Variants in CACNB4 observed in about 807,000 individuals in gnomAD.
CACNB4 encodes the protein voltage-dependent L-type calcium channel subunit beta-4.
A neutral mutation model predicts 71.2 loss-of-function variants in CACNB4; 32 were observed. The ratio of observed to expected loss-of-function variants is 0.45; its 90% CI spans 0.34 to 0.60. The LOEUF (loss-of-function observed/expected upper bound fraction) is 0.60. Ranked by LOEUF, CACNB4 falls within the 20% of genes least tolerant of loss-of-function variation. The probability of loss-of-function intolerance (pLI) is 0.01; values close to 1 mark genes in which losing one functional copy is unlikely to be tolerated. For synonymous variants in CACNB4, 231 were observed against 236.9 expected, an observed-to-expected ratio of 0.97 and a Z score of 0.23; for missense variants, 464 against 647.9, an observed-to-expected ratio of 0.72 and a Z score of 3.08.
intron 2 of CACNB4, among the ~76,000 whole-genome samples, chr2:151,886,216 C>A (rs1024265849): frequency 1.3e-5 from 2 of 152,182 alleles, no homozygotes; most frequent in East Asian, 1.9e-4. Context: ...GCTGAACTGG[C>A]TGCTGTGAAG....
chr2:152,089,828 G>T (rs1187000503), intron 2 of CACNB4, among the ~76,000 whole-genome samples: 1 of 152,100 alleles, frequency 6.6e-6, no homozygotes, highest in African/African-American at 2.4e-5. Context: ...TGTAGTCCCA[G>T]CTACTTGTAG....
Position 152,098,684 on chromosome 2 carries a change from C to A in CACNB4, c.63+265G>T. The A allele has an allele frequency of 6.4e-7, 1 of 1,566,264 alleles. No individual in the cohort carries two copies. The highest frequency in any genetic ancestry group is 2.4e-5 in the East Asian group (1 of 41,930). On this transcript the variant is annotated intron_variant, in intron 1 of 13. Coordinates refer to ENST00000539935, the MANE Select transcript of CACNB4 (RefSeq NM_000726.5). This position sits in a 1 kb window ranked among gnomAD's most constrained non-coding sequence, Gnocchi z 5.3. The stretch of plus-strand genomic sequence containing the variant: ...CTCTCAGGGTGCGGGGTCCGAGTCC[C>A]CGGCATCCGCTGGGGGAGGCTGCGG...
At chr2:152,060,715 G>A (rs575332559) in intron 2 of CACNB4, among the ~76,000 whole-genome samples, 1 of 151,494 alleles carries the variant, frequency 6.6e-6, no homozygotes, top group South Asian at 2.1e-4. Context: ...CAGCAACAGG[G>A]GCAAGTTAAA....
At chr2:151,894,525 A>G (rs564992136) in intron 2 of CACNB4, among the ~76,000 whole-genome samples, 1 of 152,342 alleles carries the variant, frequency 6.6e-6, no homozygotes, top group South Asian at 2.1e-4. Context: ...CACTTTTGCT[A>G]CTGTTATTCA....
At chr2:152,074,968 C>G (rs1560181891) in intron 2 of CACNB4, among the ~76,000 whole-genome samples, 1 of 152,140 alleles carries the variant, frequency 6.6e-6, no homozygotes, top group African/African-American at 2.4e-5. Flanking sequence ...CCCCAACAAA[C>G]AGAGAAACAG....
intron 2 of CACNB4, among the ~76,000 whole-genome samples, chr2:152,010,223 C>T (rs532910804): frequency 5.3e-4 from 81 of 152,260 alleles, no homozygotes; most frequent in Admixed American, 1.2e-3. Flanking sequence ...GAAGTAAGCA[C>T]CATTAAAATC....
In CACNB4 at chr2:151,907,026, T is replaced by C. The variant is rs186385520; in HGVS notation, c.148-23656A>G. On this transcript the variant is annotated intron_variant, in intron 2 of 13. Coordinates refer to ENST00000539935, the MANE Select transcript of CACNB4 (RefSeq NM_000726.5). ...TATATGTTTATTCCCCACTAGCTTG[T>C]GTACTCTGAGGTGAAAACCACATTT... is the stretch of plus-strand genomic sequence containing the variant. 2.0e-3 allele frequency among the ~76,000 whole-genome samples: 305 copies of C among 152,356 alleles called. 6 individuals are homozygous for C. Among genetic ancestry groups the C allele is most frequent in the Non-Finnish European group, 2.6e-4 (18 of 68,032 alleles).
intron 2 of CACNB4, among the ~76,000 whole-genome samples, chr2:151,983,428 C>G (rs1468099489): frequency 6.6e-6 from 1 of 152,050 alleles, no homozygotes; most frequent in Admixed American, 6.6e-5. Flanking sequence ...CCCCAAGAGG[C>G]GCAAATGGAA....
In CACNB4 at chr2:151,838,165, C is replaced by T. The variant is rs1051702492; in HGVS notation, c.*954G>A. 1.3e-5 allele frequency: 2 copies of T among 152,516 alleles called. No homozygotes were observed. Among genetic ancestry groups the T allele is most frequent in the Non-Finnish European group, 2.9e-5 (2 of 68,004 alleles). The allele number at this position is 152,516 out of a possible 1,614,324, so 9.4% of individuals were successfully genotyped here. ...ACCTGGAAGTGTTTAGCATTGCACT[C>T]GGGAGGATTGGTACCACATCCTTAC... is the stretch of plus-strand genomic sequence containing the variant. On this transcript the variant is annotated 3_prime_UTR_variant, in exon 14 of 14. Transcript: ENST00000539935.
At position 151,996,410 on chromosome 2, in the gene CACNB4, G is replaced by C. The variant is rs918043613; in HGVS notation, c.147+101920C>G. On this transcript the variant is annotated intron_variant, in intron 2 of 13. Transcript: ENST00000539935. Reference sequence around the variant, plus strand: ...AGAAGCTCAGAACAGAGAACTCATCGGGGCTGCAGTGAGCTGTGATCACGC... The same window carrying C: ...AGAAGCTCAGAACAGAGAACTCATCCGGGCTGCAGTGAGCTGTGATCACGC... Among the ~76,000 whole-genome samples, 19 of 151,522 alleles carry C rather than the reference G, an allele frequency of 1.3e-4. No homozygotes were observed. The East Asian group carries it at 2.5e-3, about 20-fold the overall frequency.
At chr2:151,945,302 T>C (rs1035315874) in intron 2 of CACNB4, among the ~76,000 whole-genome samples, 2 of 152,236 alleles carry the variant, frequency 1.3e-5, no homozygotes, top group African/African-American at 4.8e-5. Context: ...CTGCCAACTT[T>C]AGAAATTCCA....
intron 11 of CACNB4, chr2:151,853,774 G>A: frequency 5.4e-6 from 2 of 369,198 alleles, no homozygotes; most frequent in South Asian, 7.9e-5. Context: ...CTCAGGAGGA[G>A]CCTGAGTTCC....
At chr2:152,055,781 T>G (rs1685690680) in intron 2 of CACNB4, among the ~76,000 whole-genome samples, 1 of 152,222 alleles carries the variant, frequency 6.6e-6, no homozygotes, top group Non-Finnish European at 1.5e-5. Context: ...ATAACTTTTT[T>G]CGGAGGAACT....
chr2:152,000,847 G>A (rs773393471), intron 2 of CACNB4, among the ~76,000 whole-genome samples: 3 of 152,154 alleles, frequency 2.0e-5, no homozygotes, highest in Non-Finnish European at 4.4e-5. Flanking sequence ...TGGCCTGGGC[G>A]GAGGATGTGC....
intron 2 of CACNB4, among the ~76,000 whole-genome samples, chr2:151,913,553 C>T (rs1186605428): frequency 6.6e-6 from 1 of 151,958 alleles, no homozygotes; most frequent in Non-Finnish European, 1.5e-5. Flanking sequence ...ATCATGAGGT[C>T]AGGAGATCGA....
In CACNB4 at chr2:152,002,735, A is replaced by G. The variant is rs75356298; in HGVS notation, c.147+95595T>C. 1.7e-4 allele frequency among the ~76,000 whole-genome samples: 26 copies of G among 152,364 alleles called. No homozygotes were observed. In the East Asian group the frequency reaches 4.2e-3, roughly 25 times the overall value. ...TGTGATTCAAATGTGCAGTATGGCT[A>G]TTATCATTCACACCAAATAGATACA... On this transcript the variant is annotated intron_variant, in intron 2 of 13. Coordinates refer to ENST00000539935, the MANE Select transcript of CACNB4 (RefSeq NM_000726.5).
At chr2:151,975,117 C>G (rs1414302467) in intron 2 of CACNB4, among the ~76,000 whole-genome samples, 1 of 152,188 alleles carries the variant, frequency 6.6e-6, no homozygotes, top group Non-Finnish European at 1.5e-5. Flanking sequence ...AAGAACTCTG[C>G]AAATCTAAAG....
At chr2:152,074,641 CTATCAT>C (rs202032205) in intron 2 of CACNB4, among the ~76,000 whole-genome samples, 12,965 of 117,004 alleles carry the variant, frequency 0.11, 2,799 homozygotes, top group East Asian at 0.18. Flanking sequence ...ATTACCACCT[CTATCAT>C]CACCATCACC....
intron 2 of CACNB4, chr2:151,967,128 G>A (rs1272675532): frequency 6.9e-6 from 1 of 144,112 alleles, no homozygotes; most frequent in African/African-American, 2.6e-5. Context: ...CCTCACTGAA[G>A]CCTCAACCTC....
Sources: gnomAD v4.1 joint callset for allele counts (sites outside exome capture counted in the v4.1 genomes callset) on GRCh38, gnomAD v4.1.1 for gene constraint, Gnocchi (gnomAD v3.1) non-coding constraint, MANE v1.5 for transcripts, NCBI Gene and HGNC (gene_info 2026-07-23, HGNC 2026-07-21) for gene names.